Variants in TRIM6 observed in about 807,000 individuals in gnomAD.
TRIM6 encodes tripartite motif-containing protein 6.
TRIM6 carries 43 observed loss-of-function variants against 51.2 expected under a neutral mutation model. The observed-to-expected ratio is 0.84, with a 90% CI of 0.66 to 1.08. TRIM6 has a LOEUF of 1.08. Ranked by LOEUF, TRIM6 falls within the 50% of genes least tolerant of loss-of-function variation. The pLI is 0.00. For synonymous variants in TRIM6, 215 were observed against 232.4 expected (o/e 0.93, Z 0.68); for missense variants, 669 against 619.0 (o/e 1.08, Z -0.86).
At chr11:5,610,042 A>G in intron 5 of TRIM6, 103 bp from the exon 6 acceptor site, 1 of 1,197,964 alleles carries the variant, frequency 8.3e-7, no homozygotes, top group Non-Finnish European at 1.2e-6. Context: ...GTATTCAGAA[A>G]GGAGGATTGG....
rs1250518317 is a variant in TRIM6 at position 5,612,202 on chromosome 11, T to G, written c.*860T>G. ...GAAATTGGCCTGTATTTTTACATTC[T>G]TGTAATATCTTTGCCAGGTTCTATA... On this transcript the variant is annotated 3_prime_UTR_variant, in exon 8 of 8. Coordinates refer to ENST00000380097, the MANE Select transcript of TRIM6 (RefSeq NM_001003818.3). 1 of 152,236 alleles carries G rather than the reference T, an allele frequency of 6.6e-6. No homozygotes were observed. The highest frequency in any genetic ancestry group is 1.5e-5 in the Non-Finnish European group (1 of 68,040). 9.4% of individuals were successfully genotyped at this position (152,236 alleles called of 1,614,324 possible).
Position 5,605,531 on chromosome 11 carries a change from G to A in TRIM6, c.798G>A (p.Glu266=). ...TGCGAGAGCTCATCTCGGATCTGGAGCGTCGATGTCAGGGGTCAACAATGG... is the reference window on the plus strand; with the variant it reads ...TGCGAGAGCTCATCTCGGATCTGGAACGTCGATGTCAGGGGTCAACAATGG... The part of the protein sequence containing the change: ...QSLRELISDL[E]RRCQGSTMEL... The change falls in exon 4 of 8, where the codon GAG becomes GAA. Residue 266 remains glutamate, a synonymous_variant. Coordinates refer to ENST00000380097, the MANE Select transcript of TRIM6 (RefSeq NM_001003818.3). The A allele has an allele frequency of 1.2e-6, 2 of 1,614,036 alleles. No individual in the cohort carries two copies. The highest frequency in any genetic ancestry group is 1.7e-6 in the Non-Finnish European group (2 of 1,180,000).
At chr11:5,601,447 T>A (rs1390829876) in intron 1 of TRIM6, among the ~76,000 whole-genome samples, 2 of 152,172 alleles carry the variant, frequency 1.3e-5, no homozygotes, top group Non-Finnish European at 2.9e-5. Flanking sequence ...GGTTACAGAA[T>A]CATGAGTTGT....
At chr11:5,609,479 AT>A (rs918187611) in intron 5 of TRIM6, among the ~76,000 whole-genome samples, 8 of 152,150 alleles carry the variant, frequency 5.3e-5, no homozygotes, top group African/African-American at 1.9e-4. Context: ...AACCCCTCTG[AT>A]TTTAAATATT....
intron 1 of TRIM6, among the ~76,000 whole-genome samples, chr11:5,600,129 T>G (rs1847747790): frequency 6.6e-6 from 1 of 152,216 alleles, no homozygotes; most frequent in Admixed American, 6.5e-5. Flanking sequence ...AATTTGTTAA[T>G]TATATTTTGC....
At position 5,596,823 on chromosome 11, in the gene TRIM6, C is replaced by T. The variant is rs962122918; in HGVS notation, c.-75C>T. On this transcript the variant is annotated 5_prime_UTR_variant, in exon 1 of 8. Coordinates refer to ENST00000380097, the MANE Select transcript of TRIM6 (RefSeq NM_001003818.3). ...TGTTCCTTAAGATTAGTTTAAGGTG[C>T]CTTGGATTGCTCTGAAGAGCTTTGA... 6.2e-7 allele frequency: 1 copy of T among 1,611,462 alleles called. No individual in the cohort carries two copies. The highest frequency in any genetic ancestry group is 1.3e-5 in the African/African-American group (1 of 74,656).
At chr11:5,603,816 C>T (rs546699580) in intron 2 of TRIM6, 81 bp downstream of exon 2, 3 of 1,526,412 alleles carry the variant, frequency 2.0e-6, no homozygotes, top group African/African-American at 2.8e-5. Flanking sequence ...CTGATCTAAT[C>T]TCTTTGTAGT....
Position 5,608,455 on chromosome 11 carries a change from G to A in TRIM6, c.857+61G>A, listed in dbSNP as rs138010360. ...ACTGACAAATGATTCCTTTACCCAT[G>A]ATCAGTGGGAAAGGGAAGAAGAATC... is the stretch of plus-strand genomic sequence containing the variant. On this transcript the variant is annotated intron_variant, in intron 5 of 7. Transcript: ENST00000380097. The A allele has an allele frequency of 9.9e-5, 159 of 1,605,174 alleles. No homozygotes were observed. The East Asian group carries it at 3.6e-3, about 36-fold the overall frequency.
At chr11:5,596,223 C>G (rs910078649), upstream of TRIM6, 2 of 152,356 alleles carry the variant, frequency 1.3e-5, no homozygotes, top group African/African-American at 4.8e-5. Context: ...ACCGCTGTCC[C>G]CACTTGTCTG....
At position 5,611,447 on chromosome 11, in the gene TRIM6, GT is replaced by G; in HGVS notation, c.*111del. On this transcript the variant is annotated 3_prime_UTR_variant, in exon 8 of 8. Transcript: ENST00000380097. ...TTTCTGTGTTCTCAATTCTTTTGTTGTTTTTTGGTTTTTGAATCTTTTTTGA... is the reference window on the plus strand; with the variant it reads ...TTTCTGTGTTCTCAATTCTTTTGTTGTTTTTGGTTTTTGAATCTTTTTTGA... The G allele has an allele frequency of 1.8e-6, 2 of 1,093,502 alleles. No homozygotes were observed. The highest frequency in any genetic ancestry group is 1.6e-5 in the South Asian group (1 of 63,534). The allele number at this position is 1,093,502 out of a possible 1,614,324, so 67.7% of individuals were successfully genotyped here. A position where few individuals can be genotyped will look rare whatever the true frequency, so the allele number is the denominator to read the frequency against.
At chr11:5,610,371 T>C in intron 6 of TRIM6, 126 bp downstream of exon 6, 2 of 1,562,834 alleles carry the variant, frequency 1.3e-6, no homozygotes, top group South Asian at 1.1e-5. Flanking sequence ...GGGAGGGACA[T>C]AGTGTGCTGA....
chr11:5,605,497 C>T lies in TRIM6; in HGVS notation c.764C>T (p.Thr255Ile). Residue 255 changes from threonine to isoleucine, a missense_variant, in exon 4 of 8, where the codon ACC becomes ATC. Transcript: ENST00000380097. Reference sequence around the variant, plus strand: ...GCTGAGAATGATCTGGTCCACCAGACCCAGTCGCTGCGAGAGCTCATCTCG... The same window carrying T: ...GCTGAGAATGATCTGGTCCACCAGATCCAGTCGCTGCGAGAGCTCATCTCG... ...EEAENDLVHQ[T>I]QSLRELISDL... 2 of 1,614,158 alleles carry T rather than the reference C, an allele frequency of 1.2e-6. No individual in the cohort carries two copies. The highest frequency in any genetic ancestry group is 1.7e-6 in the Non-Finnish European group (2 of 1,180,036).
Position 5,610,324 on chromosome 11 carries a change from G to T in TRIM6, c.958+79G>T. ...AATAAACGGGATAGAGGCTATAGTC[G>T]GTATTTGAGCATAGTGGCAAAGAGG... On this transcript the variant is annotated intron_variant, in intron 6 of 7. Coordinates refer to ENST00000380097, the MANE Select transcript of TRIM6 (RefSeq NM_001003818.3). 7 of 1,599,802 alleles carry T rather than the reference G, an allele frequency of 4.4e-6. No individual in the cohort carries two copies. In the East Asian group the frequency reaches 8.9e-5, roughly 20 times the overall value.
At chr11:5,604,211 G>A (rs1271937952) in intron 2 of TRIM6, among the ~76,000 whole-genome samples, 1 of 151,874 alleles carries the variant, frequency 6.6e-6, no homozygotes, top group East Asian at 1.9e-4. Flanking sequence ...ATGGGGTTTT[G>A]CCATGTTGCC....
At chr11:5,597,346 C>G (rs896130144) in intron 1 of TRIM6, among the ~76,000 whole-genome samples, 3 of 152,056 alleles carry the variant, frequency 2.0e-5, no homozygotes, top group African/African-American at 7.2e-5. Flanking sequence ...AACTCCATGC[C>G]TAGCTTTAAA....
chr11:5,611,231 T>C lies in TRIM6; in HGVS notation c.1440T>C (p.His480=), dbSNP rs1451383289. Residue 480 remains histidine (H), a synonymous_variant, in exon 8 of 8, where the codon CAT becomes CAC. Transcript: ENST00000380097. ...TCTCCTTTTATAATGTCACAAACCA[T>C]GGCTTCCCCATCTACACTTTCTCTA... ...GTVSFYNVTN[H]GFPIYTFSKY... 1 of 1,613,700 alleles carries C rather than the reference T, an allele frequency of 6.2e-7. No individual in the cohort carries two copies. The highest frequency in any genetic ancestry group is 8.5e-7 in the Non-Finnish European group (1 of 1,179,930).
chr11:5,603,781 G>A lies in TRIM6; in HGVS notation c.507+46G>A, dbSNP rs749262902. 1.9e-6 allele frequency: 3 copies of A among 1,597,536 alleles called. No homozygotes were observed. The African/African-American group carries it at 4.0e-5, about 21-fold the overall frequency. Reference sequence around the variant, plus strand: ...GGGAGACAGAGAAACAGGGTCTTTGGCAGGTTTTAACGTTTTATCATGCTC... The same window carrying A: ...GGGAGACAGAGAAACAGGGTCTTTGACAGGTTTTAACGTTTTATCATGCTC... On this transcript the variant is annotated intron_variant, in intron 2 of 7. Coordinates refer to ENST00000380097, the MANE Select transcript of TRIM6 (RefSeq NM_001003818.3).
At chr11:5,606,368 A>G (rs943426327) in intron 4 of TRIM6, among the ~76,000 whole-genome samples, 1 of 152,128 alleles carries the variant, frequency 6.6e-6, no homozygotes, top group Non-Finnish European at 1.5e-5. Flanking sequence ...TCTAGCAGCT[A>G]TTTTCTGCAT....
chr11:5,610,872 CCTTCCTGTCTG>C lies in TRIM6; in HGVS notation c.1082_1092del (p.Pro361ArgfsTer5). 1.2e-6 allele frequency: 2 copies of C among 1,614,188 alleles called. No individual in the cohort carries two copies. Among genetic ancestry groups the C allele is most frequent in the Non-Finnish European group, 1.7e-6 (2 of 1,180,036 alleles). On this transcript the variant is annotated frameshift_variant, in exon 8 of 8. Transcript: ENST00000380097. LOFTEE classifies it low-confidence loss of function (END_TRUNC). Reference sequence around the variant, plus strand: ...GTTTGTGGGAGCTAAAGTATCTGGACCTTCCTGTCTGGAAAAGCATTATGACTGTAGTGTCC... The same window carrying C: ...GTTTGTGGGAGCTAAAGTATCTGGACGAAAAGCATTATGACTGTAGTGTCC...
Sources: allele counts gnomAD v4.1 joint callset (sites outside exome capture counted in the v4.1 genomes callset), GRCh38; gene constraint gnomAD v4.1.1; transcripts MANE v1.5; gene names NCBI Gene and HGNC (gene_info 2026-07-23, HGNC 2026-07-21).